Variants in KCNJ15 observed in about 807,000 individuals in gnomAD.
KCNJ15 encodes potassium inwardly rectifying channel subfamily J member 15, also known as ATP-sensitive inward rectifier potassium channel 15.
Under a neutral mutation model 23.0 loss-of-function variants are expected in KCNJ15, and 14 were observed. That is an observed-to-expected ratio of 0.61 (90% confidence interval 0.40 to 0.95). The LOEUF is 0.95. Among genes scored for constraint, KCNJ15 ranks in the 40% least tolerant of loss-of-function variants. The pLI, the probability that KCNJ15 is intolerant of heterozygous loss-of-function variation, is 0.00. For synonymous variants in KCNJ15, 185 were observed against 183.2 expected, an observed-to-expected ratio of 1.01 and a Z score of -0.08; for missense variants, 388 against 461.8, an observed-to-expected ratio of 0.84 and a Z score of 1.46.
At chr21:38,280,234 T>A (rs902634909) in intron 1 of KCNJ15, among the ~76,000 whole-genome samples, 1 of 152,180 alleles carries the variant, frequency 6.6e-6, no homozygotes, top group African/African-American at 2.4e-5. Context: ...CATAAATATT[T>A]GAAATTTTAT....
intron 1 of KCNJ15, among the ~76,000 whole-genome samples, chr21:38,239,710 A>G (rs1036824395): frequency 1.3e-5 from 2 of 152,228 alleles, no homozygotes; most frequent in Non-Finnish European, 1.5e-5. Context: ...TAAAGTAAAA[A>G]ATTGAGTTAC....
At position 38,244,275 on chromosome 21, in the gene KCNJ15, C is replaced by T. The variant is rs143492395; in HGVS notation, c.-398-12771C>T. On this transcript the variant is annotated intron_variant, in intron 1 of 4. Coordinates refer to the KCNJ15 transcript ENST00000547341. Reference sequence around the variant, plus strand: ...ACCAGATTTGATGTGTTTTGTGTAACGTAAGCCAGATTGTACCTCCTTCTC... The same window carrying T: ...ACCAGATTTGATGTGTTTTGTGTAATGTAAGCCAGATTGTACCTCCTTCTC... Among the ~76,000 whole-genome samples, 23 of 152,226 alleles carry T rather than the reference C, an allele frequency of 1.5e-4. 1 individual carries two copies. The East Asian group carries it at 3.5e-3, about 23-fold the overall frequency.
intron 1 of KCNJ15, among the ~76,000 whole-genome samples, chr21:38,292,690 T>C (rs1897957778): frequency 6.6e-6 from 1 of 152,112 alleles, no homozygotes; most frequent in Non-Finnish European, 1.5e-5. Context: ...ACAACTCAGT[T>C]GGGTGCAGTG....
At chr21:38,298,417 C>G (rs1283635541) in intron 2 of KCNJ15, 1 of 152,206 alleles carries the variant, frequency 6.6e-6, no homozygotes, top group Non-Finnish European at 1.5e-5. Flanking sequence ...ACCTAAATAT[C>G]ACGTCTAAAA....
At chr21:38,282,093 G>A (rs1443085437) in intron 1 of KCNJ15, among the ~76,000 whole-genome samples, 5 of 151,902 alleles carry the variant, frequency 3.3e-5, no homozygotes, top group Non-Finnish European at 1.5e-5. Flanking sequence ...CATTTCCTTT[G>A]CCCATTTTTT....
chr21:38,245,469 G>T (rs1344875314), intron 1 of KCNJ15, among the ~76,000 whole-genome samples: 2 of 151,962 alleles, frequency 1.3e-5, no homozygotes, highest in Admixed American at 6.6e-5. Context: ...GCTACCATCT[G>T]CCTTCCAATC....
intron 1 of KCNJ15, among the ~76,000 whole-genome samples, chr21:38,277,713 T>A (rs1254848850): frequency 6.6e-6 from 1 of 152,160 alleles, no homozygotes; most frequent in African/African-American, 2.4e-5. Flanking sequence ...GGAAGCTCAT[T>A]TCCCACAGAG....
intron 1 of KCNJ15, among the ~76,000 whole-genome samples, chr21:38,244,144 C>G (rs1269280888): frequency 6.6e-6 from 1 of 151,898 alleles, no homozygotes; most frequent in African/African-American, 2.4e-5. Context: ...TTGTGACTAT[C>G]TTGTTTATAC....
chr21:38,295,772 G>T (rs754212444), intron 1 of KCNJ15, among the ~76,000 whole-genome samples: 2 of 152,152 alleles, frequency 1.3e-5, no homozygotes, highest in Non-Finnish European at 2.9e-5. Flanking sequence ...CTTCATGAAA[G>T]AAGTCTGCTG....
At chr21:38,276,618 C>T (rs1982725927) in intron 1 of KCNJ15, among the ~76,000 whole-genome samples, 1 of 152,062 alleles carries the variant, frequency 6.6e-6, no homozygotes, top group African/African-American at 2.4e-5. Flanking sequence ...GGCTTAATAC[C>T]TGGGTGTTGA....
chr21:38,259,517 C>A (rs570967773), intron 1 of KCNJ15, among the ~76,000 whole-genome samples: 1 of 152,314 alleles, frequency 6.6e-6, no homozygotes, highest in Admixed American at 6.5e-5. Context: ...TGTTTTAATT[C>A]TTTCAAGTAA....
intron 1 of KCNJ15, among the ~76,000 whole-genome samples, chr21:38,249,788 C>T (rs1489776705): frequency 6.6e-6 from 1 of 152,210 alleles, no homozygotes; most frequent in Non-Finnish European, 1.5e-5. Context: ...TTTATCATCT[C>T]TTTTTCAGCT....
rs111752119 is a variant in KCNJ15, at chr21:38,300,278, C to T, written c.1017C>T (p.Cys339=). The change falls in exon 3 of 3, where the codon TGC becomes TGT. Residue 339 remains cysteine, a synonymous_variant. Coordinates refer to ENST00000398938, the MANE Select transcript of KCNJ15 (RefSeq NM_170736.3). The stretch of plus-strand genomic sequence containing the variant: ...AACAGATTCGGAAAAGCCCAGATTG[C>T]ACATTTTACTGTGCAGATTCTGAGA... ...QFEQIRKSPD[C]TFYCADSEKQ... is the part of the protein sequence containing the mutation. The T allele has an allele frequency of 3.8e-5, 62 of 1,614,160 alleles. 2 individuals carry two copies. In the African/African-American group the frequency reaches 4.7e-4, roughly 12 times the overall value.
chr21:38,240,096 C>T (rs1264692275), intron 1 of KCNJ15, among the ~76,000 whole-genome samples: 1 of 152,096 alleles, frequency 6.6e-6, no homozygotes. Flanking sequence ...TGGGTTCTTT[C>T]TACCTCTTTC....
Position 38,305,701 on chromosome 21 carries a change from T to C in KCNJ15, c.*5312T>C, listed in dbSNP as rs1986033676. The C allele has an allele frequency of 6.6e-6, 1 of 152,216 alleles. No homozygotes were observed. Among genetic ancestry groups the C allele is most frequent in the South Asian group, 2.1e-4 (1 of 4,828 alleles). The allele number at this position is 152,216 out of a possible 1,614,324, so 9.4% of individuals were successfully genotyped here. On this transcript the variant is annotated 3_prime_UTR_variant, in exon 3 of 3. Coordinates refer to ENST00000398938, the MANE Select transcript of KCNJ15 (RefSeq NM_170736.3). ...TATATTACAAAATTGCCTTGGAAAT[T>C]AGACAAATCTTCAAACTTAACTGAA... is the stretch of plus-strand genomic sequence containing the variant.
At chr21:38,252,354 G>A (rs187227935), upstream of KCNJ15, among the ~76,000 whole-genome samples, 129 of 152,182 alleles carry the variant, frequency 8.5e-4, no homozygotes, top group African/African-American at 3.0e-3. Flanking sequence ...CTTCCTGTGG[G>A]CTTCTAGAAT....
upstream of KCNJ15, among the ~76,000 whole-genome samples, chr21:38,253,878 T>G (rs1033565137): frequency 1.3e-5 from 2 of 152,052 alleles, 1 homozygote; most frequent in Non-Finnish European, 2.9e-5. Context: ...GAGGTGGGGG[T>G]TGGGGAGCAG....
chr21:38,268,337 T>C (rs1315237180), intron 1 of KCNJ15, among the ~76,000 whole-genome samples: 1 of 151,960 alleles, frequency 6.6e-6, no homozygotes, highest in Non-Finnish European at 1.5e-5. Flanking sequence ...TGGGACTATA[T>C]TCTGGTTTTT....
chr21:38,257,758 T>C (rs766285581), intron 1 of KCNJ15, among the ~76,000 whole-genome samples: 23 of 152,242 alleles, frequency 1.5e-4, no homozygotes, highest in Non-Finnish European at 3.4e-4. Context: ...ATGATTAATA[T>C]GTTTTTTAAT....
Sources: gnomAD v4.1 joint callset for allele counts (sites outside exome capture counted in the v4.1 genomes callset) on GRCh38, gnomAD v4.1.1 for gene constraint, MANE v1.5 for transcripts, NCBI Gene and HGNC (gene_info 2026-07-23, HGNC 2026-07-21) for gene names.